Variants in SH3BGRL observed in about 807,000 individuals in gnomAD.
SH3BGRL encodes SH3 domain binding glutamate rich protein like.
Under a neutral mutation model 9.8 loss-of-function variants are expected in SH3BGRL, and 7 were observed. The observed-to-expected ratio is 0.72, with a 90% CI of 0.41 to 1.35. The LOEUF (loss-of-function observed/expected upper bound fraction) is 1.35, where lower values mean the gene tolerates loss of function less well. Ranked by LOEUF, SH3BGRL falls within the 40% of genes most tolerant of loss-of-function variation. SH3BGRL has a pLI of 0.01. For synonymous variants in SH3BGRL, 36 were observed against 29.1 expected, an observed-to-expected ratio of 1.24 and a Z score of -0.76; for missense variants, 73 against 84.4, an observed-to-expected ratio of 0.86 and a Z score of 0.53.
At chrX:81,209,014 T>C (rs948232722) in intron 1 of SH3BGRL, among the ~76,000 whole-genome samples, 1 of 102,863 alleles carries the variant, frequency 9.7e-6, no homozygotes, top group African/African-American at 3.6e-5. Context: ...TTTTTTTTTT[T>C]TTTTTTTTTT....
chrX:81,224,302 G>A (rs762148249), intron 1 of SH3BGRL, among the ~76,000 whole-genome samples: 2 of 111,195 alleles, frequency 1.8e-5, no homozygotes, highest in African/African-American at 3.3e-5. Context: ...GTGTTGGGGC[G>A]TAAAGGGCCT....
chrX:81,287,755 A>G (rs894004360), intron 3 of SH3BGRL, among the ~76,000 whole-genome samples: 3 of 110,624 alleles, frequency 2.7e-5, no homozygotes, highest in African/African-American at 6.6e-5. Context: ...TACCTATGTA[A>G]CAAAACTGCA....
chrX:81,230,714 T>C (rs781717032), intron 1 of SH3BGRL, among the ~76,000 whole-genome samples: 41 of 111,744 alleles, frequency 3.7e-4, no homozygotes, highest in Middle Eastern at 4.7e-3. Flanking sequence ...TAAAATCCTA[T>C]ACAAGTTTAA....
Position 81,277,181 on chromosome X carries a change from A to G in SH3BGRL, c.231+12A>G. The G allele has an allele frequency of 8.4e-7, 1 of 1,193,021 alleles. No individual in the cohort carries two copies. Among genetic ancestry groups the G allele is most frequent in the Non-Finnish European group, 1.1e-6 (1 of 882,455 alleles). ...GCCAGTATCGCGGGGTAAGAAAACA[A>G]TTTAAATTCTTGTTTATTGTAATAG... On this transcript the variant is annotated intron_variant, in intron 2 of 3. Coordinates refer to ENST00000373212, the MANE Select transcript of SH3BGRL (RefSeq NM_003022.3).
intron 1 of SH3BGRL, 188 bp downstream of exon 1, chrX:81,202,433 A>G (rs941978368): frequency 5.0e-6 from 5 of 1,007,368 alleles, no homozygotes; most frequent in African/African-American, 4.3e-5. Context: ...TTTTTTCCAC[A>G]TAGAGTTCAG....
chrX:81,292,113 A>G (rs1228948317), intron 3 of SH3BGRL, among the ~76,000 whole-genome samples: 2 of 111,622 alleles, frequency 1.8e-5, no homozygotes, highest in African/African-American at 6.5e-5. Flanking sequence ...ACCCCAGTGT[A>G]GCCTCTGTGT....
At chrX:81,243,767 T>C (rs979454536) in intron 1 of SH3BGRL, among the ~76,000 whole-genome samples, 3 of 111,639 alleles carry the variant, frequency 2.7e-5, no homozygotes, top group Non-Finnish European at 3.8e-5. Context: ...GTCTTTTACA[T>C]ATATTCTAAT....
chrX:81,269,385 T>C (rs896600840), intron 1 of SH3BGRL, among the ~76,000 whole-genome samples: 1 of 111,977 alleles, frequency 8.9e-6, no homozygotes, highest in Admixed American at 9.5e-5. Context: ...TAGTAATTCC[T>C]TCAGGAGCTC....
chrX:81,257,320 G>C (rs1259056088), intron 1 of SH3BGRL, among the ~76,000 whole-genome samples: 2 of 112,270 alleles, frequency 1.8e-5, no homozygotes, highest in Non-Finnish European at 3.8e-5. Context: ...TGGAGGATTT[G>C]AGATTCAAAT....
chrX:81,272,979 A>G (rs1281655807), intron 1 of SH3BGRL, among the ~76,000 whole-genome samples: 4 of 112,057 alleles, frequency 3.6e-5, no homozygotes, highest in Non-Finnish European at 7.5e-5. Context: ...TGATTTATTT[A>G]TAGAGTTCGA....
chrX:81,211,670 T>C (rs1455289025), intron 1 of SH3BGRL, among the ~76,000 whole-genome samples: 1 of 110,800 alleles, frequency 9.0e-6, no homozygotes, highest in Non-Finnish European at 1.9e-5. Flanking sequence ...CCAGCAAATA[T>C]AAAGCAGGTA....
intron 1 of SH3BGRL, among the ~76,000 whole-genome samples, chrX:81,264,876 GTTCT>G (rs1237028582): frequency 9.0e-6 from 1 of 110,718 alleles, no homozygotes; most frequent in Non-Finnish European, 1.9e-5. Flanking sequence ...ACTAAATAAT[GTTCT>G]TTCTGACTCC....
chrX:81,271,033 T>C (rs1406966378), intron 1 of SH3BGRL, among the ~76,000 whole-genome samples: 1 of 112,316 alleles, frequency 8.9e-6, no homozygotes, highest in Non-Finnish European at 1.9e-5. Context: ...CAAGGCTCCG[T>C]GGGCATGGGA....
At chrX:81,244,801 C>T (rs1162226347) in intron 1 of SH3BGRL, among the ~76,000 whole-genome samples, 1 of 111,289 alleles carries the variant, frequency 9.0e-6, no homozygotes, top group Non-Finnish European at 1.9e-5. Context: ...CCTCCCTCCA[C>T]CCCGCTACAG....
chrX:81,295,773 C>T (rs1345339063), intron 3 of SH3BGRL, among the ~76,000 whole-genome samples: 2 of 111,678 alleles, frequency 1.8e-5, no homozygotes, highest in Non-Finnish European at 1.9e-5. Context: ...TCATCAGAGA[C>T]CACCTCAGTA....
intron 1 of SH3BGRL, among the ~76,000 whole-genome samples, chrX:81,274,289 T>C (rs1195767264): frequency 2.7e-5 from 3 of 111,284 alleles, no homozygotes; most frequent in Non-Finnish European, 5.7e-5. Context: ...GTGTGTGTTA[T>C]AGTGAACATG....
At chrX:81,277,295 TC>T (rs2075801749) in intron 2 of SH3BGRL, 126 bp downstream of exon 2, 1 of 558,006 alleles carries the variant, frequency 1.8e-6, no homozygotes, top group Non-Finnish European at 2.8e-6. Context: ...ATTTGTCCTT[TC>T]CATCCACTCA....
At chrX:81,224,518 CT>C (rs2075610597) in intron 1 of SH3BGRL, among the ~76,000 whole-genome samples, 1 of 111,242 alleles carries the variant, frequency 9.0e-6, no homozygotes, top group South Asian at 3.7e-4. Context: ...AATGTGACTT[CT>C]TTAAAACACA....
chrX:81,219,755 T>TTC (rs768077352), intron 1 of SH3BGRL, among the ~76,000 whole-genome samples: 11 of 111,531 alleles, frequency 9.9e-5, no homozygotes, highest in Admixed American at 8.6e-4. Flanking sequence ...TTAGCTGTGA[T>TTC]TCTCTCATAT....
Sources: gnomAD v4.1 joint callset for allele counts (sites outside exome capture counted in the v4.1 genomes callset) on GRCh38, gnomAD v4.1.1 for gene constraint, MANE v1.5 for transcripts, NCBI Gene and HGNC (gene_info 2026-07-23, HGNC 2026-07-21) for gene names.